Variants in PTPRN2 observed in about 807,000 individuals in gnomAD.
The protein encoded by PTPRN2 is receptor-type tyrosine-protein phosphatase N2.
Under a neutral mutation model 118.8 loss-of-function variants are expected in PTPRN2, and 74 were observed. The observed-to-expected ratio is 0.62, with a 90% CI of 0.52 to 0.76. PTPRN2 has a LOEUF of 0.76. PTPRN2 is among the 30% of genes least tolerant of loss of function. The pLI is 0.00. For synonymous variants in PTPRN2, 641 were observed against 608.0 expected, an observed-to-expected ratio of 1.05 and a Z score of -0.80; for missense variants, 1,481 against 1,394.4, an observed-to-expected ratio of 1.06 and a Z score of -0.99.
intron 15 of PTPRN2, among the ~76,000 whole-genome samples, chr7:157,607,048 G>A (rs1390839164): frequency 1.3e-5 from 2 of 152,238 alleles, no homozygotes; most frequent in African/African-American, 4.8e-5. Context: ...GAAGCTGCAA[G>A]TCATCCCATC....
At chr7:157,751,292 C>A (rs958971280) in intron 12 of PTPRN2, among the ~76,000 whole-genome samples, 4 of 152,116 alleles carry the variant, frequency 2.6e-5, no homozygotes, top group Non-Finnish European at 4.4e-5. Context: ...GCGCACTGGA[C>A]AAAGTGAGGA....
chr7:157,970,118 C>A (rs10250001), intron 11 of PTPRN2, among the ~76,000 whole-genome samples: 67,890 of 151,966 alleles, frequency 0.45, 15,361 homozygotes, highest in East Asian at 0.54. Context: ...ACATTTGTTT[C>A]CCACAGGGCC....
At chr7:158,266,047 G>A (rs1241360783) in intron 3 of PTPRN2, among the ~76,000 whole-genome samples, 1 of 152,146 alleles carries the variant, frequency 6.6e-6, no homozygotes, top group Non-Finnish European at 1.5e-5. Flanking sequence ...ATGTCTGGCA[G>A]TGAGGCTGGG....
Position 157,611,818 on chromosome 7 carries a change from C to T in PTPRN2, c.2345-7743G>A, listed in dbSNP as rs933668704. Among the ~76,000 whole-genome samples, 1 of 145,374 alleles carries T rather than the reference C, an allele frequency of 6.9e-6. No homozygotes were observed. Among genetic ancestry groups the T allele is most frequent in the African/African-American group, 2.6e-5 (1 of 38,932 alleles). Reference sequence around the variant, plus strand: ...CGGAGGGAGAGCGCCCGTGTGAAGACGAAGACAGCCGCAGTCATGCTGGGG... The same window carrying T: ...CGGAGGGAGAGCGCCCGTGTGAAGATGAAGACAGCCGCAGTCATGCTGGGG... On this transcript the variant is annotated intron_variant, in intron 15 of 22. Transcript: ENST00000389418. This position sits in a 1 kb window ranked among gnomAD's most constrained non-coding sequence, Gnocchi z 5.9.
intron 11 of PTPRN2, among the ~76,000 whole-genome samples, chr7:157,965,612 G>A (rs980854743): frequency 3.9e-5 from 6 of 152,210 alleles, no homozygotes; most frequent in Non-Finnish European, 8.8e-5. Context: ...CCAGTGCCAT[G>A]AGAACTGGGA....
rs116312979 is a variant in PTPRN2 at position 158,282,320 on chromosome 7, A to G, written c.277+34499T>C. Among the ~76,000 whole-genome samples, 475 of 152,334 alleles carry G rather than the reference A, an allele frequency of 3.1e-3. 1 individual carries two copies. Among genetic ancestry groups the G allele is most frequent in the African/African-American group, 0.011 (455 of 41,586 alleles). On this transcript the variant is annotated intron_variant, in intron 3 of 22. Coordinates refer to ENST00000389418, the MANE Select transcript of PTPRN2 (RefSeq NM_002847.5). The stretch of plus-strand genomic sequence containing the variant: ...CTTATCAAAAGTAAGATGAAAAAAG[A>G]GTATTTTATTGTTAAACTCTATAAT...
intron 13 of PTPRN2, among the ~76,000 whole-genome samples, chr7:157,662,416 C>T (rs1456501313): frequency 6.6e-6 from 1 of 152,218 alleles, no homozygotes; most frequent in African/African-American, 2.4e-5. Flanking sequence ...CGGGCCCTGA[C>T]CCCCGAGCAC....
At chr7:158,556,116 T>C (rs1826966680) in intron 1 of PTPRN2, among the ~76,000 whole-genome samples, 1 of 152,250 alleles carries the variant, frequency 6.6e-6, no homozygotes, top group South Asian at 2.1e-4. Flanking sequence ...TGAAAGACTA[T>C]GTTCTATTGA....
Position 158,133,970 on chromosome 7 carries a change from G to C in PTPRN2, c.1263C>G (p.Leu421=), listed in dbSNP as rs555402048. 1.2e-6 allele frequency: 2 copies of C among 1,613,992 alleles called. No homozygotes were observed. The highest frequency in any genetic ancestry group is 2.2e-5 in the East Asian group (1 of 44,874). ...GCTCGGACTTCTTCCTCTCCATGTC[G>C]AGGGGCCTTGCAAAGGGGAGGGCTC... ...LPGALPFARP[L]DMERKKSEHP... is the part of the protein sequence containing the mutation. Residue 421 remains leucine, a synonymous_variant, in exon 9 of 23, where the codon CTC becomes CTG. Transcript: ENST00000389418.
intron 6 of PTPRN2, among the ~76,000 whole-genome samples, chr7:158,165,067 C>CA (rs1283977283): frequency 6.6e-6 from 1 of 151,890 alleles, no homozygotes; most frequent in Non-Finnish European, 1.5e-5. Flanking sequence ...AGTGAAGACC[C>CA]CTGATAGCAT....
intron 12 of PTPRN2, among the ~76,000 whole-genome samples, chr7:157,873,308 T>C (rs1811226870): frequency 6.6e-6 from 1 of 152,238 alleles, no homozygotes; most frequent in African/African-American, 2.4e-5. Flanking sequence ...AGCAGCCGCC[T>C]GGCCTGACCT....
rs1586239524 is a variant in PTPRN2, at chr7:158,319,430, ACACACAGCCTCCCTCACACACG to A, written c.164-2520_164-2499del. ...CACACACAGCCTCCCACACACACAC[ACACACAGCCTCCCTCACACACG>A]CACACAGCCTCCCTCACACACAAGC... On this transcript the variant is annotated intron_variant, in intron 2 of 22. Coordinates refer to ENST00000389418, the MANE Select transcript of PTPRN2 (RefSeq NM_002847.5). 1.3e-4 allele frequency among the ~76,000 whole-genome samples: 12 copies of A among 90,734 alleles called. 2 individuals carry two copies. Among genetic ancestry groups the A allele is most frequent in the South Asian group, 3.7e-4 (1 of 2,668 alleles). The allele number at this position is 90,734 out of a possible 152,430, so 59.5% of individuals were successfully genotyped here.
At chr7:157,657,424 TAC>T (rs1464477859) in intron 13 of PTPRN2, among the ~76,000 whole-genome samples, 1 of 64,226 alleles carries the variant, frequency 1.6e-5, no homozygotes, top group African/African-American at 6.7e-5. Context: ...TACACACACA[TAC>T]GCCACACACA....
At chr7:158,043,754 C>G (rs1808643977) in intron 11 of PTPRN2, among the ~76,000 whole-genome samples, 1 of 152,220 alleles carries the variant, frequency 6.6e-6, no homozygotes, top group South Asian at 2.1e-4. Context: ...AGTAAGCAAG[C>G]CTTCCTTCCC....
At chr7:157,806,833 C>T (rs1181906948) in intron 12 of PTPRN2, among the ~76,000 whole-genome samples, 1 of 152,210 alleles carries the variant, frequency 6.6e-6, no homozygotes, top group Admixed American at 6.5e-5. Context: ...AAAGTGAGTA[C>T]TTGGAGGGCC....
intron 12 of PTPRN2, among the ~76,000 whole-genome samples, chr7:157,823,024 ATCT>A (rs1806949918): frequency 6.6e-6 from 1 of 151,576 alleles, no homozygotes; most frequent in Non-Finnish European, 1.5e-5. Flanking sequence ...GCACCCATCC[ATCT>A]TTCTATCCTT....
At chr7:158,445,047 C>G (rs1345996365) in intron 2 of PTPRN2, among the ~76,000 whole-genome samples, 2 of 152,212 alleles carry the variant, frequency 1.3e-5, no homozygotes, top group African/African-American at 4.8e-5. Flanking sequence ...CCAAAAGGGC[C>G]TGAGCTGGGC....
At position 157,661,294 on chromosome 7, in the gene PTPRN2, G is replaced by A. The variant is rs1795873166; in HGVS notation, c.2002-4743C>T. Among the ~76,000 whole-genome samples, 3 of 152,288 alleles carry A rather than the reference G, an allele frequency of 2.0e-5. No homozygotes were observed. In the South Asian group the frequency reaches 6.2e-4, roughly 31 times the overall value. Reference sequence around the variant, plus strand: ...AGATCCAAGAAAAATGTCCCTGGCAGAGAGGAAGCCCCCGAAAGCTTGGCG... The same window carrying A: ...AGATCCAAGAAAAATGTCCCTGGCAAAGAGGAAGCCCCCGAAAGCTTGGCG... On this transcript the variant is annotated intron_variant, in intron 13 of 22. Coordinates refer to ENST00000389418, the MANE Select transcript of PTPRN2 (RefSeq NM_002847.5).
chr7:157,858,112 T>TC (rs1355839993), intron 12 of PTPRN2, among the ~76,000 whole-genome samples: 3 of 35,352 alleles, frequency 8.5e-5, no homozygotes, highest in African/African-American at 4.3e-4. Context: ...AGGGAGAGCC[T>TC]CCCAGCCACC....
Sources: gnomAD v4.1 joint callset for allele counts (sites outside exome capture counted in the v4.1 genomes callset) on GRCh38, gnomAD v4.1.1 for gene constraint, Gnocchi (gnomAD v3.1) non-coding constraint, MANE v1.5 for transcripts, NCBI Gene and HGNC (gene_info 2026-07-23, HGNC 2026-07-21) for gene names.